TNR: variants seen among roughly 807,000 people sequenced by gnomAD.
TNR encodes tenascin R.
TNR carries 45 observed loss-of-function variants against 150.4 expected under a neutral mutation model. That is an observed-to-expected ratio of 0.30 (90% CI 0.24 to 0.38). TNR has a LOEUF of 0.38. Among genes scored for constraint, TNR ranks in the 10% least tolerant of loss-of-function variants. TNR has a pLI of 1.00. For missense variants in TNR, 1,544 were observed against 1,759.1 expected, an observed-to-expected ratio of 0.88 and a Z score of 2.19; for synonymous variants, 687 against 678.4, an observed-to-expected ratio of 1.01 and a Z score of -0.20.
chr1:175,458,021 T>C (rs758017315), intron 2 of TNR, among the ~76,000 whole-genome samples: 3 of 152,230 alleles, frequency 2.0e-5, no homozygotes, highest in Non-Finnish European at 4.4e-5. Context: ...TCCTAGGTTT[T>C]CCATCTGTAA....
At chr1:175,364,902 A>C in intron 12 of TNR, 108 bp downstream of exon 12, 2 of 1,367,926 alleles carry the variant, frequency 1.5e-6, no homozygotes, top group Non-Finnish European at 2.0e-6. Context: ...CTAGCCATAG[A>C]GGAAATCCCC....
intron 1 of TNR, among the ~76,000 whole-genome samples, chr1:175,634,982 G>A (rs1451152998): frequency 6.6e-6 from 1 of 152,114 alleles, no homozygotes; most frequent in Non-Finnish European, 1.5e-5. Context: ...CTAAAGCCAC[G>A]GGTCCCTACC....
intron 2 of TNR, among the ~76,000 whole-genome samples, chr1:175,424,820 G>A (rs956442783): frequency 6.6e-6 from 1 of 152,140 alleles, no homozygotes; most frequent in Admixed American, 6.5e-5. Flanking sequence ...CAGTGGCCAA[G>A]TGTGAGTGGA....
intron 4 of TNR, among the ~76,000 whole-genome samples, chr1:175,399,377 G>C (rs1326882874): frequency 2.6e-5 from 4 of 152,182 alleles, no homozygotes; most frequent in Non-Finnish European, 5.9e-5. Context: ...TCTAAGAAGA[G>C]CATTTTGGGA....
Position 175,367,301 on chromosome 1 carries a change from T to TC in TNR, c.1964-5dup, listed in dbSNP as rs1651890839. The TC allele has an allele frequency of 1.2e-6, 2 of 1,613,478 alleles. No homozygotes were observed. The highest frequency in any genetic ancestry group is 1.7e-6 in the Non-Finnish European group (2 of 1,179,496). On this transcript the variant is annotated splice_region_variant and splice_polypyrimidine_tract_variant and intron_variant, in intron 9 of 22. Transcript: ENST00000367674. ...TACTCAGTGCCAGGTACCAGATCTA[T>TC]CAGTGGATGGAGAAACAAACATTAT...
intron 1 of TNR, among the ~76,000 whole-genome samples, chr1:175,726,429 A>C (rs959168922): frequency 2.6e-5 from 4 of 152,234 alleles, no homozygotes; most frequent in Non-Finnish European, 2.9e-5. Context: ...TTTAGGCCTG[A>C]ACCTTAATAT....
intron 1 of TNR, among the ~76,000 whole-genome samples, chr1:175,637,533 A>G (rs1664522911): frequency 6.6e-6 from 1 of 152,212 alleles, no homozygotes; most frequent in African/African-American, 2.4e-5. Flanking sequence ...CAAAATACAG[A>G]AAGTAGCAAA....
chr1:175,523,376 T>C (rs1659721439), intron 2 of TNR, among the ~76,000 whole-genome samples: 1 of 152,262 alleles, frequency 6.6e-6, no homozygotes, highest in African/African-American at 2.4e-5. Flanking sequence ...TATTCATGGT[T>C]TGAAGCCCTT....
At chr1:175,427,947 G>A (rs1655089781) in intron 2 of TNR, among the ~76,000 whole-genome samples, 1 of 133,020 alleles carries the variant, frequency 7.5e-6, no homozygotes, top group East Asian at 2.2e-4. Flanking sequence ...CATTTCCCAG[G>A]CACTTCCCTC....
In TNR at chr1:175,555,862, C is replaced by T. The variant is rs116704175; in HGVS notation, c.-164-27493G>A. On this transcript the variant is annotated intron_variant, in intron 1 of 22. Coordinates refer to ENST00000367674, the MANE Select transcript of TNR (RefSeq NM_003285.3). ...GATTTGGCTAGAAGGCTCCTTCCAA[C>T]CATGAGTTGTGTGGCTATAAGATTA... Among the ~76,000 whole-genome samples the T allele has an allele frequency of 2.1e-3, 324 of 152,340 alleles. 5 individuals are homozygous for T. Among genetic ancestry groups the T allele is most frequent in the Admixed American group, 7.8e-3 (119 of 15,300 alleles).
At chr1:175,648,712 G>T (rs73033373) in intron 1 of TNR, among the ~76,000 whole-genome samples, 7 of 151,992 alleles carry the variant, frequency 4.6e-5, no homozygotes, top group Non-Finnish European at 7.4e-5. Context: ...AATGTCTCCC[G>T]CTTCCTTCAA....
intron 1 of TNR, among the ~76,000 whole-genome samples, chr1:175,641,341 G>A (rs1270945221): frequency 6.6e-6 from 1 of 151,964 alleles, no homozygotes; most frequent in African/African-American, 2.4e-5. Context: ...AAGAAAGTGA[G>A]GGAGAGAGAA....
chr1:175,722,597 T>G (rs545975543), intron 1 of TNR, among the ~76,000 whole-genome samples: 1 of 151,816 alleles, frequency 6.6e-6, no homozygotes, highest in Non-Finnish European at 1.5e-5. Context: ...CCCAGGTAGC[T>G]GAGATTACAG....
intron 1 of TNR, among the ~76,000 whole-genome samples, chr1:175,550,564 A>G (rs1660899878): frequency 6.6e-6 from 1 of 151,482 alleles, no homozygotes. Flanking sequence ...GTCTCTGTAG[A>G]AATGAAGCTG....
chr1:175,569,992 C>T (rs908441059), intron 1 of TNR, among the ~76,000 whole-genome samples: 2 of 152,162 alleles, frequency 1.3e-5, no homozygotes, highest in African/African-American at 2.4e-5. Context: ...GGTTAGCTGG[C>T]GGCCAAGACC....
chr1:175,537,882 G>A (rs190260793), intron 1 of TNR, among the ~76,000 whole-genome samples: 1 of 152,162 alleles, frequency 6.6e-6, no homozygotes, highest in African/African-American at 2.4e-5. Context: ...GTGCAGAACT[G>A]GTGGTGGGGG....
chr1:175,639,920 G>C (rs1358776271), intron 1 of TNR, among the ~76,000 whole-genome samples: 1 of 152,114 alleles, frequency 6.6e-6, no homozygotes, highest in Non-Finnish European at 1.5e-5. Context: ...TGTCCTCCTT[G>C]TCTTGCTTAT....
chr1:175,378,005 G>GA (rs1652490308), intron 9 of TNR, among the ~76,000 whole-genome samples: 1 of 152,112 alleles, frequency 6.6e-6, no homozygotes, highest in Admixed American at 6.5e-5. Context: ...ATTCCCAGGG[G>GA]ACAGGGAACA....
intron 2 of TNR, among the ~76,000 whole-genome samples, chr1:175,444,310 AC>A (rs1365069430): frequency 1.3e-5 from 2 of 152,132 alleles, no homozygotes; most frequent in Non-Finnish European, 2.9e-5. Context: ...GAAATCTAAG[AC>A]CCCTTTAAAG....
Sources: gnomAD v4.1 joint callset for allele counts (sites outside exome capture counted in the v4.1 genomes callset) on GRCh38, gnomAD v4.1.1 for gene constraint, MANE v1.5 for transcripts, NCBI Gene and HGNC (gene_info 2026-07-23, HGNC 2026-07-21) for gene names.